UHRF2: variants seen among roughly 807,000 people sequenced by gnomAD.
UHRF2 encodes E3 ubiquitin-protein ligase UHRF2.
In UHRF2, 23 loss-of-function variants were observed where a neutral mutation model predicts 96.8. The ratio of observed to expected loss-of-function variants is 0.24; its 90% CI spans 0.17 to 0.34. The LOEUF is 0.34. Among genes scored for constraint, UHRF2 ranks in the 10% least tolerant of loss-of-function variants. The pLI, the probability that UHRF2 is intolerant of heterozygous loss-of-function variation, is 1.00. For missense variants in UHRF2, 685 were observed against 981.5 expected (o/e 0.70, Z 4.04); for synonymous variants, 385 against 332.6 (o/e 1.16, Z -1.72).
intron 1 of UHRF2, among the ~76,000 whole-genome samples, chr9:6,417,466 C>CA (rs906662001): frequency 1.6e-4 from 25 of 152,268 alleles, no homozygotes; most frequent in African/African-American, 6.0e-4. Flanking sequence ...ATTTGAGTGT[C>CA]AGAGATAACT....
chr9:6,474,574 C>T (rs539693235), intron 4 of UHRF2, among the ~76,000 whole-genome samples: 10 of 152,182 alleles, frequency 6.6e-5, no homozygotes, highest in African/African-American at 2.2e-4. Context: ...GGTATGGTGG[C>T]GCAGGCCTGT....
intron 3 of UHRF2, among the ~76,000 whole-genome samples, chr9:6,441,168 C>T (rs1043287530): frequency 7.9e-5 from 12 of 151,982 alleles, no homozygotes; most frequent in African/African-American, 2.7e-4. Flanking sequence ...CACTTGAGCC[C>T]AGGAGTTCGA....
chr9:6,440,873 A>G (rs930044273), intron 3 of UHRF2, among the ~76,000 whole-genome samples: 2 of 152,136 alleles, frequency 1.3e-5, no homozygotes, highest in Admixed American at 6.6e-5. Context: ...AATCCTTCTG[A>G]GGGAGCCCCC....
chr9:6,436,704 A>G (rs977905599), intron 3 of UHRF2, among the ~76,000 whole-genome samples: 1 of 152,188 alleles, frequency 6.6e-6, no homozygotes, highest in Admixed American at 6.5e-5. Context: ...AATGGATAGG[A>G]CCTACCCTTC....
chr9:6,478,946 T>C (rs878995528), intron 6 of UHRF2, among the ~76,000 whole-genome samples: 1 of 152,216 alleles, frequency 6.6e-6, no homozygotes, highest in Admixed American at 6.5e-5. Flanking sequence ...GTTCAATGGA[T>C]GACATATTCC....
intron 6 of UHRF2, among the ~76,000 whole-genome samples, chr9:6,480,015 T>TA (rs1491165400): frequency 1.3e-5 from 2 of 152,300 alleles, no homozygotes; most frequent in East Asian, 3.9e-4. Context: ...GATGTCTTCC[T>TA]ATTTCACTTA....
At chr9:6,492,272 C>CT in intron 9 of UHRF2, 1 of 1,090,268 alleles carries the variant, frequency 9.2e-7, no homozygotes, top group Admixed American at 2.4e-5. Flanking sequence ...ATTACTTTTT[C>CT]TTTATGGCAC....
At chr9:6,475,632 T>G (rs980336103) in intron 5 of UHRF2, 132 bp downstream of exon 5, 1 of 402,586 alleles carries the variant, frequency 2.5e-6, no homozygotes, top group Non-Finnish European at 4.4e-6. Flanking sequence ...AAGACAACAG[T>G]TTTGATCTAA....
At chr9:6,425,318 C>T (rs940606323) in intron 2 of UHRF2, among the ~76,000 whole-genome samples, 1 of 152,166 alleles carries the variant, frequency 6.6e-6, no homozygotes, top group Non-Finnish European at 1.5e-5. Flanking sequence ...CTTTGACATA[C>T]CCCCATTATT....
chr9:6,435,536 AC>A (rs1329593659), intron 3 of UHRF2, among the ~76,000 whole-genome samples: 1 of 151,772 alleles, frequency 6.6e-6, no homozygotes, highest in Non-Finnish European at 1.5e-5. Context: ...TTTTAGAACA[AC>A]CCCCCAAAAA....
At chr9:6,495,413 G>A (rs1386589124) in intron 10 of UHRF2, 1 of 152,120 alleles carries the variant, frequency 6.6e-6, no homozygotes, top group African/African-American at 2.4e-5. Flanking sequence ...AAAGTGCTTG[G>A]GCAAAGGTAC....
Position 6,481,671 on chromosome 9 carries a change from A to G in UHRF2, c.1189A>G (p.Ser397Gly), listed in dbSNP as rs1232016135. 5 of 1,613,348 alleles carry G rather than the reference A, an allele frequency of 3.1e-6. No individual in the cohort carries two copies. Among genetic ancestry groups the G allele is most frequent in the Non-Finnish European group, 3.4e-6 (4 of 1,179,728 alleles). ...WYCPSCKTDS[S>G]EVVKAGERLK... Reference sequence around the variant, plus strand: ...TTGTCCTTCTTGTAAAACTGATTCCAGTGAAGTTGTAAAGGCTGGTGAAAG... The same window carrying G: ...TTGTCCTTCTTGTAAAACTGATTCCGGTGAAGTTGTAAAGGCTGGTGAAAG... Residue 397 changes from serine to glycine, a missense_variant, in exon 7 of 16, where the codon AGT becomes GGT. This residue lies in a region of UHRF2 where 391 missense variants were observed against 437.0 expected (regional missense o/e 0.89). Coordinates refer to ENST00000276893, the MANE Select transcript of UHRF2 (RefSeq NM_152896.3).
At chr9:6,423,943 T>TC (rs1820083253) in intron 2 of UHRF2, among the ~76,000 whole-genome samples, 1 of 145,928 alleles carries the variant, frequency 6.9e-6, no homozygotes, top group African/African-American at 2.5e-5. Context: ...AGACTCAGTA[T>TC]CAAAAAAAAT....
intron 3 of UHRF2, 182 bp downstream of exon 3, chr9:6,434,355 C>T (rs1820713628): frequency 1.6e-6 from 1 of 638,670 alleles, no homozygotes; most frequent in Non-Finnish European, 2.5e-6. Flanking sequence ...TCTCGATTAT[C>T]TCTGGTTCTT....
intron 9 of UHRF2, chr9:6,492,279 G>A (rs1824708550): frequency 8.8e-7 from 1 of 1,138,930 alleles, no homozygotes; most frequent in Non-Finnish European, 1.2e-6. Flanking sequence ...TTTCTTTATG[G>A]CACTCCCATA....
chr9:6,455,319 C>G (rs951574978), intron 3 of UHRF2, among the ~76,000 whole-genome samples: 1 of 152,094 alleles, frequency 6.6e-6, no homozygotes, highest in East Asian at 1.9e-4. Context: ...CCCGGGTGTG[C>G]GATGTTCCCC....
At chr9:6,504,149 C>A (rs1816457378) in intron 14 of UHRF2, among the ~76,000 whole-genome samples, 1 of 151,560 alleles carries the variant, frequency 6.6e-6, no homozygotes, top group African/African-American at 2.4e-5. Context: ...CCTCAGCCTC[C>A]CCAGCAGCTG....
At chr9:6,493,383 G>A (rs1030926906) in intron 9 of UHRF2, among the ~76,000 whole-genome samples, 4 of 152,146 alleles carry the variant, frequency 2.6e-5, no homozygotes, top group African/African-American at 7.2e-5. Flanking sequence ...GAAATTTGAG[G>A]CAGCACACTT....
At chr9:6,419,371 T>C (rs1350857927) in intron 1 of UHRF2, among the ~76,000 whole-genome samples, 2 of 152,226 alleles carry the variant, frequency 1.3e-5, no homozygotes, top group South Asian at 2.1e-4. Context: ...GGAAGACTTC[T>C]TGATAAAACT....
Sources: allele counts gnomAD v4.1 joint callset (sites outside exome capture counted in the v4.1 genomes callset), GRCh38; gene constraint gnomAD v4.1.1; regional missense constraint gnomAD v4.1.1; transcripts MANE v1.5; gene names NCBI Gene and HGNC (gene_info 2026-07-23, HGNC 2026-07-21).